TNNI2: variants seen among roughly 807,000 people sequenced by gnomAD.
TNNI2 encodes troponin I, fast skeletal muscle.
TNNI2 carries 14 observed loss-of-function variants against 26.5 expected under a neutral mutation model. The observed-to-expected ratio is 0.53, with a 90% CI of 0.35 to 0.83. The LOEUF (loss-of-function observed/expected upper bound fraction) is 0.83. Among genes scored for constraint, TNNI2 ranks in the 40% least tolerant of loss-of-function variants. TNNI2 has a pLI of 0.01. For missense variants in TNNI2, 205 were observed against 248.5 expected (o/e 0.82, Z 1.18); for synonymous variants, 126 against 97.6 (o/e 1.29, Z -1.71).
chr11:1,839,736 A>G, intron 2 of TNNI2, 32 bp downstream of exon 2: 1 of 1,613,574 alleles, frequency 6.2e-7, no homozygotes, highest in Non-Finnish European at 8.5e-7. Context: ...CCATACAGTG[A>G]CCCTGCCCAC....
rs542893140 is a variant in TNNI2 at position 1,840,346 on chromosome 11, G to A, written c.16-57G>A. 2.5e-6 allele frequency: 4 copies of A among 1,571,052 alleles called. No homozygotes were observed. In the South Asian group the frequency reaches 4.6e-5, roughly 18 times the overall value. Reference sequence around the variant, plus strand: ...ACCTGGCCAGGGAGCGTGGAAGGGGGTGGGGGTGCTCCAGGCCTGGAGGCC... The same window carrying A: ...ACCTGGCCAGGGAGCGTGGAAGGGGATGGGGGTGCTCCAGGCCTGGAGGCC... On this transcript the variant is annotated intron_variant, in intron 3 of 7. Transcript: ENST00000381911.
At chr11:1,840,183 C>G in intron 3 of TNNI2, 3 of 1,551,116 alleles carry the variant, frequency 1.9e-6, no homozygotes, top group Non-Finnish European at 2.6e-6. Flanking sequence ...CCTCCCAGCA[C>G]CATGTGCCAC....
rs778955468 is a variant in TNNI2 at position 1,840,841 on chromosome 11, C to G, written c.209C>G (p.Ala70Gly). The G allele has an allele frequency of 6.2e-7, 1 of 1,613,140 alleles. No individual in the cohort carries two copies. Among genetic ancestry groups the G allele is most frequent in the South Asian group, 1.1e-5 (1 of 91,004 alleles). Residue 70 changes from alanine to glycine, a missense_variant, in exon 6 of 8, where the codon GCC becomes GGC. Ala to Gly is a moderately conservative substitution (Grantham distance 60). Transcript: ENST00000381911. Reference sequence around the variant, plus strand: ...TAGGAGCTCTGCAAACAGCTGCACGCCAAGATCGATGCGGCTGAAGAGGAG... The same window carrying G: ...TAGGAGCTCTGCAAACAGCTGCACGGCAAGATCGATGCGGCTGAAGAGGAG... ...EVQELCKQLH[A>G]KIDAAEEEKY...
At chr11:1,839,739 C>T in intron 2 of TNNI2, 35 bp downstream of exon 2, 2 of 1,613,836 alleles carry the variant, frequency 1.2e-6, no homozygotes, top group Non-Finnish European at 1.7e-6. Context: ...TACAGTGACC[C>T]TGCCCACCTC....
At position 1,841,673 on chromosome 11, in the gene TNNI2, TC is replaced by T; in HGVS notation, c.*126del. The stretch of plus-strand genomic sequence containing the variant: ...CACCACCGTCAATAAAGGATTTGAA[TC>T]CCCATGGCTGGTCTGGTCTGGCTCT... On this transcript the variant is annotated 3_prime_UTR_variant, in exon 8 of 8. Coordinates refer to ENST00000381911, the MANE Select transcript of TNNI2 (RefSeq NM_003282.4). The T allele has an allele frequency of 2.2e-6, 2 of 901,118 alleles. No individual in the cohort carries two copies. The highest frequency in any genetic ancestry group is 1.8e-6 in the Non-Finnish European group (1 of 564,034). The allele number at this position is 901,118 out of a possible 1,614,324, so 55.8% of individuals were successfully genotyped here.
chr11:1,839,411 T>G, intron 1 of TNNI2: 1 of 313,296 alleles, frequency 3.2e-6, no homozygotes, highest in Non-Finnish European at 6.4e-6. Context: ...CGCTGGCCCA[T>G]CCCACCCTCC....
At chr11:1,840,133 G>A (rs1347651910) in intron 3 of TNNI2, 28 of 1,242,792 alleles carry the variant, frequency 2.3e-5, no homozygotes, top group Middle Eastern at 1.9e-4. Context: ...CTCACCGGCC[G>A]ACCTGCCCCC....
chr11:1,840,921 G>C lies in TNNI2; in HGVS notation c.276+13G>C. 2 of 1,609,400 alleles carry C rather than the reference G, an allele frequency of 1.2e-6. No homozygotes were observed. Among genetic ancestry groups the C allele is most frequent in the East Asian group, 2.2e-5 (1 of 44,658 alleles). The stretch of plus-strand genomic sequence containing the variant: ...GACCAGCAAGGAGGTGAGTGGTGGC[G>C]GCGGGCCGGCGGCAGGCGGGTAGGC... On this transcript the variant is annotated intron_variant, in intron 6 of 7. Coordinates refer to ENST00000381911, the MANE Select transcript of TNNI2 (RefSeq NM_003282.4).
At chr11:1,840,166 C>T in intron 3 of TNNI2, 1 of 1,549,688 alleles carries the variant, frequency 6.5e-7, no homozygotes, top group Non-Finnish European at 8.7e-7. Context: ...TCTCCCCCAG[C>T]CTCTGGCCTC....
Position 1,841,199 on chromosome 11 carries a change from A to C in TNNI2, c.445A>C (p.Thr149Pro). Residue 149 changes from threonine (T) to proline (P), a missense_variant, in exon 7 of 8, where the codon ACA becomes CCA. Physicochemically the swap from Thr to Pro is conservative, Grantham distance 38. Coordinates refer to ENST00000381911, the MANE Select transcript of TNNI2 (RefSeq NM_003282.4). Reference protein sequence around the residue: ...ANLKQVKKEDTEKERDLRDVG... With the variant: ...ANLKQVKKEDPEKERDLRDVG... Reference sequence around the variant, plus strand: ...CCTGAAGCAGGTCAAGAAGGAGGACACAGAGAAGGTGCGTGCCACGGGGGG... The same window carrying C: ...CCTGAAGCAGGTCAAGAAGGAGGACCCAGAGAAGGTGCGTGCCACGGGGGG... The C allele has an allele frequency of 6.2e-7, 1 of 1,612,556 alleles. No individual in the cohort carries two copies. Among genetic ancestry groups the C allele is most frequent in the East Asian group, 2.2e-5 (1 of 44,876 alleles).
intron 1 of TNNI2, 116 bp from the exon 2 acceptor site, chr11:1,839,559 G>A: frequency 2.0e-6 from 2 of 992,524 alleles, no homozygotes; most frequent in East Asian, 2.6e-5. Context: ...GAGAGTAGGG[G>A]GTGGGCGGGA....
At chr11:1,840,701 T>G (rs768976860) in intron 5 of TNNI2, 45 bp downstream of exon 5, 2 of 1,611,228 alleles carry the variant, frequency 1.2e-6, no homozygotes, top group Non-Finnish European at 1.7e-6. Flanking sequence ...GCAGCAGGCC[T>G]GCCTGCTAAC....
intron 3 of TNNI2, 145 bp downstream of exon 3, chr11:1,840,000 C>T: frequency 7.7e-7 from 1 of 1,291,782 alleles, no homozygotes; most frequent in Non-Finnish European, 1.1e-6. Flanking sequence ...ACCCACCCAC[C>T]AAGACGCTGC....
chr11:1,841,248 G>T, intron 7 of TNNI2, 41 bp downstream of exon 7: 1 of 1,601,778 alleles, frequency 6.2e-7, no homozygotes, highest in African/African-American at 1.3e-5. Context: ...CTACCCTGCC[G>T]GGGAAGCACC....
At chr11:1,840,689 C>T in intron 5 of TNNI2, 33 bp downstream of exon 5, 1 of 1,612,412 alleles carries the variant, frequency 6.2e-7, no homozygotes, top group South Asian at 1.1e-5. Context: ...CCCGCCTCCC[C>T]AGCAGCAGGC....
intron 1 of TNNI2, 113 bp from the exon 2 acceptor site, chr11:1,839,562 G>A: frequency 9.6e-7 from 1 of 1,041,412 alleles, no homozygotes; most frequent in South Asian, 1.5e-5. Context: ...AGTAGGGGGT[G>A]GGCGGGAGGG....
rs747153883 is a variant in TNNI2, at chr11:1,840,849, G to C, written c.217G>C (p.Asp73His). ...ELCKQLHAKI[D>H]AAEEEKYDME... is the part of the protein sequence containing the mutation. The stretch of plus-strand genomic sequence containing the variant: ...CTGCAAACAGCTGCACGCCAAGATC[G>C]ATGCGGCTGAAGAGGAGAAGTACGA... The change falls in exon 6 of 8, where the codon GAT (aspartate) becomes CAT (histidine). Residue 73 changes from aspartate to histidine, a missense_variant. Transcript: ENST00000381911. The C allele has an allele frequency of 1.9e-6, 3 of 1,613,208 alleles. No homozygotes were observed. The highest frequency in any genetic ancestry group is 8.5e-7 in the Non-Finnish European group (1 of 1,179,826).
intron 1 of TNNI2, chr11:1,839,419 T>C: frequency 3.0e-5 from 9 of 298,954 alleles, no homozygotes; most frequent in East Asian, 8.5e-5. Context: ...CATCCCACCC[T>C]CCCTCGGGGA....
Position 1,840,651 on chromosome 11 carries a change from G to C in TNNI2, c.181G>C (p.Val61Leu), listed in dbSNP as rs1847149298. Residue 61 changes from valine to leucine, a missense_variant, in exon 5 of 8, where the codon GTG (valine) becomes CTG (leucine). By Grantham distance (32) the Val-to-Leu change is conservative. Transcript: ENST00000381911. ...PLHIPGSMSE[V>L]QELCKQLHAK... ...GCATATCCCGGGCTCCATGTCTGAA[G>C]TGCAGGTACCAGCCCCTCCCCGGCC... The C allele has an allele frequency of 6.2e-7, 1 of 1,612,772 alleles. No homozygotes were observed. Among genetic ancestry groups the C allele is most frequent in the Non-Finnish European group, 8.5e-7 (1 of 1,179,908 alleles).
Sources: allele counts gnomAD v4.1 joint callset, GRCh38; gene constraint gnomAD v4.1.1; transcripts MANE v1.5; gene names NCBI Gene and HGNC (gene_info 2026-07-23, HGNC 2026-07-21).